Variants in IL1R2 observed in about 807,000 individuals in gnomAD.
The protein encoded by IL1R2 is interleukin 1 receptor type 2.
A neutral mutation model predicts 39.5 loss-of-function variants in IL1R2; 46 were observed. That is an observed-to-expected ratio of 1.16 (90% CI 0.92 to 1.49). The LOEUF (loss-of-function observed/expected upper bound fraction) is 1.49, where lower values mean the gene tolerates loss of function less well. Ranked by LOEUF, IL1R2 falls within the 40% of genes most tolerant of loss-of-function variation. IL1R2 has a pLI of 0.00. For synonymous variants in IL1R2, 207 were observed against 189.6 expected, an observed-to-expected ratio of 1.09 and a Z score of -0.75; for missense variants, 537 against 502.0, an observed-to-expected ratio of 1.07 and a Z score of -0.67.
At chr2:102,017,673 G>T (rs1677094169) in intron 4 of IL1R2, among the ~76,000 whole-genome samples, 1 of 152,148 alleles carries the variant, frequency 6.6e-6, no homozygotes, top group Non-Finnish European at 1.5e-5. Flanking sequence ...GTAAAAGAAG[G>T]ATATTTTATG....
At chr2:102,013,601 A>G (rs1394258225) in intron 3 of IL1R2, among the ~76,000 whole-genome samples, 5 of 145,078 alleles carry the variant, frequency 3.4e-5, no homozygotes, top group Admixed American at 3.4e-4. Flanking sequence ...AAAAAAAAAA[A>G]AGAGAAAGAG....
intron 5 of IL1R2, among the ~76,000 whole-genome samples, chr2:102,021,773 C>T (rs1677417276): frequency 6.6e-6 from 1 of 152,214 alleles, no homozygotes; most frequent in Non-Finnish European, 1.5e-5. Flanking sequence ...TCTAGAAGAA[C>T]TGAGTCTTGA....
At chr2:102,015,803 G>GC in intron 3 of IL1R2, 68 bp from the exon 4 acceptor site, 1 of 1,258,586 alleles carries the variant, frequency 7.9e-7, no homozygotes, top group South Asian at 1.2e-5. Context: ...GGGAAATGAT[G>GC]CTTAATTTCA....
At chr2:102,026,318 G>T (rs888060574) in intron 8 of IL1R2, 65 bp downstream of exon 8, 1 of 1,201,294 alleles carries the variant, frequency 8.3e-7, no homozygotes, top group Non-Finnish European at 1.2e-6. Flanking sequence ...ATGGATACTA[G>T]ACAAATCTAC....
Position 102,015,977 on chromosome 2 carries a change from T to C in IL1R2, c.439T>C (p.Ser147Pro). Residue 147 changes from serine to proline, a missense_variant, in exon 4 of 9, where the codon TCT becomes CCT. Transcript: ENST00000332549. ...CCCGCAAATTTTAACCTTGTCAACCTCTGGGGTATTAGTATGCCCTGACCT... is the reference window on the plus strand; with the variant it reads ...CCCGCAAATTTTAACCTTGTCAACCCCTGGGGTATTAGTATGCCCTGACCT... ...SYPQILTLSTSGVLVCPDLSE... is the reference protein window; with the variant it reads ...SYPQILTLSTPGVLVCPDLSE... 1 of 1,614,024 alleles carries C rather than the reference T, an allele frequency of 6.2e-7. No individual in the cohort carries two copies. The highest frequency in any genetic ancestry group is 8.5e-7 in the Non-Finnish European group (1 of 1,179,874).
chr2:102,026,031 G>C (rs1360158026), intron 7 of IL1R2, 80 bp from the exon 8 acceptor site: 12 of 1,093,092 alleles, frequency 1.1e-5, no homozygotes, highest in African/African-American at 1.6e-5. Context: ...TTCTAAAGGA[G>C]AGTGTTTAGA....
At chr2:101,993,296 G>GC (rs1047439703) in intron 1 of IL1R2, among the ~76,000 whole-genome samples, 3 of 152,268 alleles carry the variant, frequency 2.0e-5, no homozygotes, top group African/African-American at 7.2e-5. Context: ...CCTGGGATGA[G>GC]CTGCGTGACA....
chr2:102,005,243 C>T (rs1676190120), intron 1 of IL1R2, among the ~76,000 whole-genome samples: 1 of 152,068 alleles, frequency 6.6e-6, no homozygotes, highest in South Asian at 2.1e-4. Context: ...ATGGTGGGGC[C>T]CTTTCATTTG....
At chr2:102,010,562 C>T (rs376005088) in intron 3 of IL1R2, among the ~76,000 whole-genome samples, 56 of 141,482 alleles carry the variant, frequency 4.0e-4, no homozygotes, top group Middle Eastern at 3.6e-3. Context: ...GGCGACTGAG[C>T]GAGACTCTGT....
intron 6 of IL1R2, among the ~76,000 whole-genome samples, chr2:102,022,691 T>C (rs899664021): frequency 2.0e-5 from 3 of 152,194 alleles, no homozygotes; most frequent in Non-Finnish European, 2.9e-5. Flanking sequence ...CTGTGGTCAG[T>C]TTCTTGTTGC....
rs779320040 is a variant in IL1R2, at chr2:102,009,627, C to A, written c.133C>A (p.Pro45Thr). Reference protein sequence around the residue: ...YKREFRLEGEPVALRCPQVPY... With the variant: ...YKREFRLEGETVALRCPQVPY... Reference sequence around the variant, plus strand: ...GCGGGAGTTCAGGCTGGAAGGGGAGCCTGTAGCCCTGAGGTGCCCCCAGGT... The same window carrying A: ...GCGGGAGTTCAGGCTGGAAGGGGAGACTGTAGCCCTGAGGTGCCCCCAGGT... Residue 45 changes from proline to threonine, a missense_variant, in exon 3 of 9, where the codon CCT becomes ACT. Coordinates refer to ENST00000332549, the MANE Select transcript of IL1R2 (RefSeq NM_004633.4). 1.2e-6 allele frequency: 2 copies of A among 1,614,156 alleles called. No homozygotes were observed.
intron 1 of IL1R2, among the ~76,000 whole-genome samples, chr2:101,998,676 G>A (rs1675704271): frequency 6.6e-6 from 1 of 152,198 alleles, no homozygotes; most frequent in South Asian, 2.1e-4. Context: ...TGCCTTTGCA[G>A]GGTTCCTGGG....
At chr2:102,019,269 T>C (rs1677204870) in intron 4 of IL1R2, among the ~76,000 whole-genome samples, 1 of 152,242 alleles carries the variant, frequency 6.6e-6, no homozygotes, top group African/African-American at 2.4e-5. Flanking sequence ...CAGGTCATCA[T>C]GACGATTTAT....
chr2:102,012,264 C>CA (rs1676685821), intron 3 of IL1R2, among the ~76,000 whole-genome samples: 1 of 152,222 alleles, frequency 6.6e-6, no homozygotes, highest in African/African-American at 2.4e-5. Flanking sequence ...CCTCTCTCTT[C>CA]AGCTGCTTCT....
intron 4 of IL1R2, among the ~76,000 whole-genome samples, chr2:102,019,054 C>T (rs573241607): frequency 3.9e-5 from 6 of 151,998 alleles, no homozygotes; most frequent in Non-Finnish European, 5.9e-5. Context: ...AATCCCATTC[C>T]GCTCTTTCTA....
chr2:102,017,452 A>G (rs573828182), intron 4 of IL1R2, among the ~76,000 whole-genome samples: 11 of 151,814 alleles, frequency 7.2e-5, no homozygotes, highest in Non-Finnish European at 1.5e-4. Context: ...GGGAGCAAAT[A>G]TGAACACAAT....
At chr2:102,022,754 T>C (rs1336216116) in intron 6 of IL1R2, among the ~76,000 whole-genome samples, 1 of 152,220 alleles carries the variant, frequency 6.6e-6, no homozygotes, top group Non-Finnish European at 1.5e-5. Flanking sequence ...CCAATGGGGC[T>C]TTCTGCTTTT....
intron 1 of IL1R2, among the ~76,000 whole-genome samples, chr2:101,994,660 C>T (rs1212550444): frequency 6.6e-6 from 1 of 152,200 alleles, no homozygotes; most frequent in Non-Finnish European, 1.5e-5. Flanking sequence ...AGGGCCAAGC[C>T]TGTGGGGGAG....
chr2:102,004,921 C>G (rs1315969788), intron 1 of IL1R2, among the ~76,000 whole-genome samples: 4 of 152,180 alleles, frequency 2.6e-5, no homozygotes, highest in Non-Finnish European at 5.9e-5. Flanking sequence ...GTAGATGAGG[C>G]TAGCAGTTAC....
Sources: allele counts gnomAD v4.1 joint callset (sites outside exome capture counted in the v4.1 genomes callset), GRCh38; gene constraint gnomAD v4.1.1; transcripts MANE v1.5; gene names NCBI Gene and HGNC (gene_info 2026-07-23, HGNC 2026-07-21).